Variants in GLG1 observed in about 807,000 individuals in gnomAD.
The protein encoded by GLG1 is Golgi apparatus protein 1.
A neutral mutation model predicts 160.5 loss-of-function variants in GLG1; 38 were observed. The observed-to-expected ratio is 0.24, with a 90% CI of 0.18 to 0.31. GLG1 has a LOEUF of 0.31. Among genes scored for constraint, GLG1 ranks in the 10% least tolerant of loss-of-function variants. GLG1 has a pLI of 1.00. For missense variants in GLG1, 1,373 were observed against 1,505.2 expected (o/e 0.91, Z 1.45); for synonymous variants, 644 against 543.4 (o/e 1.19, Z -2.57).
At chr16:74,594,680 C>CG (rs1350662879) in intron 1 of GLG1, among the ~76,000 whole-genome samples, 2 of 152,160 alleles carry the variant, frequency 1.3e-5, no homozygotes, top group Non-Finnish European at 2.9e-5. Context: ...GCACCCCTTA[C>CG]AACTCATAAA....
At chr16:74,579,438 T>C (rs773122269) in intron 1 of GLG1, among the ~76,000 whole-genome samples, 6 of 151,784 alleles carry the variant, frequency 4.0e-5, no homozygotes, top group South Asian at 2.1e-4. Flanking sequence ...CAAAAAACCC[T>C]TGGCCAGGCG....
At chr16:74,601,167 G>A (rs764574429) in intron 1 of GLG1, among the ~76,000 whole-genome samples, 1 of 151,964 alleles carries the variant, frequency 6.6e-6, no homozygotes, top group Non-Finnish European at 1.5e-5. Flanking sequence ...TTCCCTCCAT[G>A]AATGAATATG....
intron 12 of GLG1, among the ~76,000 whole-genome samples, chr16:74,475,298 T>C (rs2015359002): frequency 6.6e-6 from 1 of 152,220 alleles, no homozygotes; most frequent in Admixed American, 6.5e-5. Flanking sequence ...ATCTGTGCTT[T>C]GATAATTTCT....
At chr16:74,530,235 T>C (rs542933565) in intron 2 of GLG1, among the ~76,000 whole-genome samples, 1 of 152,330 alleles carries the variant, frequency 6.6e-6, no homozygotes, top group Non-Finnish European at 1.5e-5. Context: ...ACAAATATCC[T>C]TTTATAGACA....
At chr16:74,458,878 T>A (rs771908969) in intron 23 of GLG1, among the ~76,000 whole-genome samples, 22 of 152,116 alleles carry the variant, frequency 1.4e-4, no homozygotes, top group Non-Finnish European at 2.4e-4. Flanking sequence ...ACTCTGCAGA[T>A]TCTCCATTTA....
chr16:74,480,632 C>A (rs1361069520), intron 10 of GLG1, among the ~76,000 whole-genome samples: 2 of 151,822 alleles, frequency 1.3e-5, no homozygotes, highest in Non-Finnish European at 2.9e-5. Context: ...TCTTGACTCA[C>A]TGGAACCTCC....
chr16:74,550,160 C>T (rs1365763170), intron 1 of GLG1, among the ~76,000 whole-genome samples: 1 of 151,914 alleles, frequency 6.6e-6, no homozygotes, highest in Non-Finnish European at 1.5e-5. Context: ...TGGACGGGTG[C>T]TAGAACTTAA....
Position 74,480,351 on chromosome 16 carries a change from G to A in GLG1, c.1717C>T (p.Arg573Cys), listed in dbSNP as rs964157062. ...LYRKCQGDASRLCHTHGWNET... is the reference protein window; with the variant it reads ...LYRKCQGDASCLCHTHGWNET... The stretch of plus-strand genomic sequence containing the variant: ...TTCCAACCGTGGGTGTGGCAAAGAC[G>A]AGAAGCGTCTCCCTGGCACTTGCGG... The change falls in exon 11 of 26, where the codon CGT becomes TGT. Residue 573 changes from arginine to cysteine, a missense_variant. Transcript: ENST00000422840. The A allele has an allele frequency of 1.2e-6, 2 of 1,613,540 alleles. No individual in the cohort carries two copies. The highest frequency in any genetic ancestry group is 2.7e-5 in the African/African-American group (2 of 75,022).
chr16:74,532,091 T>A (rs368487808), intron 2 of GLG1, 30 bp downstream of exon 2: 1 of 1,145,240 alleles, frequency 8.7e-7, no homozygotes, highest in South Asian at 2.1e-5. Context: ...ATAAAGCACA[T>A]ATGGCGCATC....
intron 1 of GLG1, among the ~76,000 whole-genome samples, chr16:74,576,119 C>A (rs879727826): frequency 6.6e-5 from 10 of 152,064 alleles, no homozygotes; most frequent in Non-Finnish European, 1.5e-4. Flanking sequence ...ACTGCTTGAA[C>A]CCGGGAGGTG....
At chr16:74,541,518 C>T (rs1168683599) in intron 1 of GLG1, among the ~76,000 whole-genome samples, 4 of 152,136 alleles carry the variant, frequency 2.6e-5, no homozygotes, top group African/African-American at 9.7e-5. Flanking sequence ...ACATAACATT[C>T]TTTAAGCTTC....
Position 74,527,310 on chromosome 16 carries a change from C to T in GLG1, c.471+4811G>A, listed in dbSNP as rs1245278203. Among the ~76,000 whole-genome samples the T allele has an allele frequency of 2.6e-3, 337 of 128,748 alleles. 3 individuals carry two copies. Among genetic ancestry groups the T allele is most frequent in the African/African-American group, 9.0e-3 (306 of 33,982 alleles). The allele number at this position is 128,748 out of a possible 152,430, so 84.5% of individuals were successfully genotyped here. A position where few individuals can be genotyped will look rare whatever the true frequency, so the allele number is the denominator to read the frequency against. On this transcript the variant is annotated intron_variant, in intron 2 of 25. Transcript: ENST00000422840. ...TTTTGCCCAGGATGGAGTGCAATGG[C>T]GCTATCTCGGCTCACTGCAACCTCT...
chr16:74,555,311 G>A (rs2018322087), intron 1 of GLG1, among the ~76,000 whole-genome samples: 1 of 152,172 alleles, frequency 6.6e-6, no homozygotes, highest in African/African-American at 2.4e-5. Flanking sequence ...TTCATGTTGT[G>A]AAAGGATCCA....
intron 1 of GLG1, among the ~76,000 whole-genome samples, chr16:74,589,089 A>G (rs1258862047): frequency 6.6e-6 from 1 of 151,868 alleles, no homozygotes; most frequent in South Asian, 2.1e-4. Flanking sequence ...AAAAAGAACA[A>G]CAACAACAAC....
At chr16:74,539,302 T>C (rs540322133) in intron 1 of GLG1, among the ~76,000 whole-genome samples, 4 of 151,852 alleles carry the variant, frequency 2.6e-5, no homozygotes, top group Middle Eastern at 6.8e-3. Flanking sequence ...AAATATTATA[T>C]AGTTACTCCT....
At chr16:74,593,758 A>T (rs1249512023) in intron 1 of GLG1, among the ~76,000 whole-genome samples, 1 of 151,622 alleles carries the variant, frequency 6.6e-6, no homozygotes, top group East Asian at 1.9e-4. Context: ...TTTTTAACAT[A>T]ATTTCTTTTG....
At position 74,449,089 on chromosome 16, in the gene GLG1, G is replaced by C. The variant is rs2014187542; in HGVS notation, c.*4078C>G. 6.6e-6 allele frequency: 1 copy of C among 152,250 alleles called. No individual in the cohort carries two copies. The highest frequency in any genetic ancestry group is 1.9e-4 in the East Asian group (1 of 5,196). 9.4% of individuals were successfully genotyped at this position (152,250 alleles called of 1,614,324 possible). On this transcript the variant is annotated 3_prime_UTR_variant, in exon 26 of 26. Transcript: ENST00000422840. ...GCACTCCAGCCTGGCAACGGAGTGA[G>C]ACTCCATCTCAGAAACAAAACAAAA... is the stretch of plus-strand genomic sequence containing the variant.
chr16:74,559,090 T>C (rs887604186), intron 1 of GLG1, among the ~76,000 whole-genome samples: 6 of 152,212 alleles, frequency 3.9e-5, no homozygotes, highest in African/African-American at 9.6e-5. Context: ...AGGCTGGTCA[T>C]GAACTCCAGG....
chr16:74,496,350 C>G (rs1004608535), intron 5 of GLG1, 91 bp downstream of exon 5: 2 of 926,086 alleles, frequency 2.2e-6, no homozygotes, highest in Non-Finnish European at 3.3e-6. Flanking sequence ...GACTCAATCT[C>G]TCAAAAAACA....
Sources: gnomAD v4.1 joint callset for allele counts (sites outside exome capture counted in the v4.1 genomes callset) on GRCh38, gnomAD v4.1.1 for gene constraint, MANE v1.5 for transcripts, NCBI Gene and HGNC (gene_info 2026-07-23, HGNC 2026-07-21) for gene names.